SFXN5: variants seen among roughly 807,000 people sequenced by gnomAD.
SFXN5 encodes sideroflexin 5.
SFXN5 carries 43 observed loss-of-function variants against 50.2 expected under a neutral mutation model. The ratio of observed to expected loss-of-function variants is 0.86; its 90% CI spans 0.67 to 1.11. SFXN5 has a LOEUF of 1.11. Ranked by LOEUF, SFXN5 falls within the 50% of genes least tolerant of loss-of-function variation. The pLI is 0.00. For synonymous variants in SFXN5, 203 were observed against 185.8 expected (o/e 1.09, Z -0.75); for missense variants, 463 against 454.1 (o/e 1.02, Z -0.18).
intron 3 of SFXN5, among the ~76,000 whole-genome samples, chr2:73,026,854 G>C (rs1029224466): frequency 2.8e-4 from 43 of 151,736 alleles, no homozygotes; most frequent in African/African-American, 1.0e-3. Context: ...TCAGCCTCCC[G>C]AGTAGCTGGG....
intron 12 of SFXN5, among the ~76,000 whole-genome samples, chr2:72,964,173 C>T (rs555898192): frequency 2.0e-5 from 3 of 152,340 alleles, no homozygotes; most frequent in Admixed American, 2.0e-4. Flanking sequence ...AGCTTGTCCC[C>T]CTCATTGCTG....
In SFXN5 at chr2:72,956,466, T is replaced by C. The variant is rs547262362; in HGVS notation, c.945+4665A>G. Among the ~76,000 whole-genome samples the C allele has an allele frequency of 1.8e-4, 27 of 152,120 alleles. No homozygotes were observed. The Middle Eastern group carries it at 0.02, about 115-fold the overall frequency. On this transcript the variant is annotated intron_variant, in intron 13 of 13. Transcript: ENST00000272433. ...CACTGGGATGTTCCTGCTGATAAAT[T>C]AGTAGCAAGCAATTTGGAGCCCAGA... is the stretch of plus-strand genomic sequence containing the variant.
intron 6 of SFXN5, among the ~76,000 whole-genome samples, chr2:73,009,316 A>G (rs1457845362): frequency 6.6e-6 from 1 of 152,206 alleles, no homozygotes; most frequent in African/African-American, 2.4e-5. Flanking sequence ...GGGCTGCAGG[A>G]AGCACTGGAG....
chr2:72,968,755 C>T (rs1270025209), intron 11 of SFXN5, among the ~76,000 whole-genome samples: 1 of 151,650 alleles, frequency 6.6e-6, no homozygotes, highest in Non-Finnish European at 1.5e-5. Flanking sequence ...TCTTTCTTTC[C>T]TTCCTTTTTT....
chr2:72,972,681 G>T (rs1670156216), intron 10 of SFXN5, among the ~76,000 whole-genome samples: 1 of 152,238 alleles, frequency 6.6e-6, no homozygotes, highest in Non-Finnish European at 1.5e-5. Context: ...GGGGGGACCT[G>T]GGAGGGGTGG....
chr2:73,001,020 C>G (rs994845807), intron 7 of SFXN5, among the ~76,000 whole-genome samples: 1 of 152,246 alleles, frequency 6.6e-6, no homozygotes, highest in African/African-American at 2.4e-5. Flanking sequence ...TTTCTCTGCA[C>G]ACACAAACAC....
chr2:73,071,598 C>G lies in SFXN5; in HGVS notation c.102+6G>C. The G allele has an allele frequency of 6.2e-7, 1 of 1,613,232 alleles. No individual in the cohort carries two copies. On this transcript the variant is annotated splice_donor_region_variant and intron_variant, in intron 1 of 13. Coordinates refer to ENST00000272433, the MANE Select transcript of SFXN5 (RefSeq NM_144579.3). ...GCCGGCCCGCAGACCACAGCCCGGT[C>G]CTCACCTGCTGGAAGCGGGGTTTGC...
intron 2 of SFXN5, among the ~76,000 whole-genome samples, chr2:73,046,881 TC>T (rs984693966): frequency 2.0e-5 from 3 of 151,742 alleles, no homozygotes; most frequent in African/African-American, 7.3e-5. Context: ...CTTTTTTTTT[TC>T]CTACAATACA....
intron 13 of SFXN5, among the ~76,000 whole-genome samples, chr2:72,952,006 C>T (rs1672589073): frequency 6.6e-6 from 1 of 152,134 alleles, no homozygotes; most frequent in Non-Finnish European, 1.5e-5. Flanking sequence ...GGAGAGCTAT[C>T]TTGAGTGTCT....
chr2:73,051,713 G>A (rs1028000663), intron 2 of SFXN5, among the ~76,000 whole-genome samples: 4 of 152,156 alleles, frequency 2.6e-5, no homozygotes, highest in East Asian at 1.9e-4. Flanking sequence ...TACCACAGGC[G>A]GGTAATTTAC....
At position 73,035,652 on chromosome 2, in the gene SFXN5, A is replaced by C. The variant is rs373371036; in HGVS notation, c.249+5202T>G. 1.9e-3 allele frequency among the ~76,000 whole-genome samples: 286 copies of C among 152,054 alleles called. 3 individuals carry two copies. The highest frequency in any genetic ancestry group is 6.8e-3 in the Middle Eastern group (2 of 294). On this transcript the variant is annotated intron_variant, in intron 3 of 13. Transcript: ENST00000272433. ...GTAGCTGGGACTACAGGTGCATGCC[A>C]CCATGCCTGGCTAATTTTTGTATTT...
chr2:72,994,157 A>G (rs988351314), intron 9 of SFXN5, among the ~76,000 whole-genome samples: 29 of 152,196 alleles, frequency 1.9e-4, no homozygotes, highest in Admixed American at 1.8e-3. Context: ...AAGCCTGGGT[A>G]GGCCCTGTCA....
chr2:73,039,546 C>T (rs960145470), intron 3 of SFXN5, among the ~76,000 whole-genome samples: 2 of 151,938 alleles, frequency 1.3e-5, no homozygotes, highest in Non-Finnish European at 2.9e-5. Flanking sequence ...GTATGGATGG[C>T]GGAAAGAAGT....
At chr2:73,038,338 C>T (rs1196148922) in intron 3 of SFXN5, among the ~76,000 whole-genome samples, 1 of 152,226 alleles carries the variant, frequency 6.6e-6, no homozygotes, top group East Asian at 1.9e-4. Flanking sequence ...CTGCATAGGG[C>T]ACTTACCATG....
chr2:73,059,801 A>G (rs945307496), intron 1 of SFXN5: 1 of 973,078 alleles, frequency 1.0e-6, no homozygotes, highest in African/African-American at 1.8e-5. Context: ...GAGGCTCACA[A>G]TGCTGTCCTG....
chr2:73,030,120 A>AG (rs1356547927), intron 3 of SFXN5, among the ~76,000 whole-genome samples: 4 of 150,472 alleles, frequency 2.7e-5, no homozygotes, highest in African/African-American at 9.8e-5. Flanking sequence ...ACAAACGAAC[A>AG]AAAAAAAACA....
intron 6 of SFXN5, among the ~76,000 whole-genome samples, chr2:73,014,490 C>T (rs1173556423): frequency 6.6e-6 from 1 of 152,180 alleles, no homozygotes; most frequent in Non-Finnish European, 1.5e-5. Flanking sequence ...CTCCCACCAC[C>T]TTATTCTTGA....
At chr2:72,975,543 C>T (rs550173753) in intron 10 of SFXN5, among the ~76,000 whole-genome samples, 2 of 152,286 alleles carry the variant, frequency 1.3e-5, no homozygotes, top group Middle Eastern at 3.4e-3. Flanking sequence ...TTCTACGATG[C>T]ACCTTCCCAT....
At chr2:73,055,586 T>TTTTTTC (rs1681981979) in intron 2 of SFXN5, among the ~76,000 whole-genome samples, 1 of 151,288 alleles carries the variant, frequency 6.6e-6, no homozygotes, top group Admixed American at 6.6e-5. Flanking sequence ...TGGATTTCTT[T>TTTTTTC]TTTTTCTTTT....
Sources: gnomAD v4.1 joint callset for allele counts (sites outside exome capture counted in the v4.1 genomes callset) on GRCh38, gnomAD v4.1.1 for gene constraint, MANE v1.5 for transcripts, NCBI Gene and HGNC (gene_info 2026-07-23, HGNC 2026-07-21) for gene names.